The following IL1RAPL1 variants were observed in gnomAD, a reference collection of about 807,000 sequenced individuals.
The protein encoded by IL1RAPL1 is interleukin 1 receptor accessory protein like 1, also known as interleukin-1 receptor accessory protein-like 1.
Under a neutral mutation model 48.4 loss-of-function variants are expected in IL1RAPL1, and 3 were observed. That is an observed-to-expected ratio of 0.06 (90% CI 0.03 to 0.16). The LOEUF (loss-of-function observed/expected upper bound fraction) is 0.16. Ranked by LOEUF, IL1RAPL1 falls within the 10% of genes least tolerant of loss-of-function variation. IL1RAPL1 has a pLI of 1.00. For synonymous variants in IL1RAPL1, 185 were observed against 187.7 expected, an observed-to-expected ratio of 0.99 and a Z score of 0.12; for missense variants, 349 against 530.6, an observed-to-expected ratio of 0.66 and a Z score of 3.36.
chrX:29,511,044 T>C (rs991018770), intron 5 of IL1RAPL1, among the ~76,000 whole-genome samples: 2 of 111,757 alleles, frequency 1.8e-5, no homozygotes, highest in East Asian at 5.6e-4. Flanking sequence ...ATGGATATTA[T>C]GTTTGAAAAC....
intron 5 of IL1RAPL1, among the ~76,000 whole-genome samples, chrX:29,652,406 G>A (rs1025209530): frequency 1.8e-5 from 2 of 110,915 alleles, no homozygotes; most frequent in Admixed American, 9.7e-5. Flanking sequence ...GGAAGGATGG[G>A]TTAGGATTTA....
intron 1 of IL1RAPL1, among the ~76,000 whole-genome samples, chrX:28,767,840 T>C (rs147222762): frequency 9.0e-6 from 1 of 110,715 alleles, no homozygotes; most frequent in African/African-American, 3.3e-5. Context: ...TAAAATACAA[T>C]GCAAAAAAGT....
chrX:29,397,757 C>A (rs1185865874), intron 4 of IL1RAPL1, among the ~76,000 whole-genome samples: 1 of 111,293 alleles, frequency 9.0e-6, no homozygotes, highest in Non-Finnish European at 1.9e-5. Flanking sequence ...TCCAAATAAA[C>A]CCTTTTTTTT....
At chrX:28,998,012 A>G (rs191838666) in intron 2 of IL1RAPL1, among the ~76,000 whole-genome samples, 27 of 112,120 alleles carry the variant, frequency 2.4e-4, no homozygotes, top group Admixed American at 2.3e-3. Flanking sequence ...CTTTTCCCTC[A>G]GTGCAGCTGG....
intron 5 of IL1RAPL1, among the ~76,000 whole-genome samples, chrX:29,618,449 A>G (rs1225251348): frequency 8.9e-6 from 1 of 112,309 alleles, no homozygotes; most frequent in East Asian, 2.8e-4. Flanking sequence ...TCTGGAAGTC[A>G]GCAGTCCGAA....
At chrX:29,446,059 A>G (rs1479236590) in intron 5 of IL1RAPL1, among the ~76,000 whole-genome samples, 1 of 112,364 alleles carries the variant, frequency 8.9e-6, no homozygotes, top group African/African-American at 3.2e-5. Context: ...CTACCAGTTG[A>G]CTGAGTACAA....
At chrX:28,883,963 T>C (rs1922567829) in intron 2 of IL1RAPL1, among the ~76,000 whole-genome samples, 1 of 111,710 alleles carries the variant, frequency 9.0e-6, no homozygotes, top group Non-Finnish European at 1.9e-5. Context: ...TACACTTTTG[T>C]GCTAGTGATC....
intron 1 of IL1RAPL1, among the ~76,000 whole-genome samples, chrX:28,764,087 G>A (rs1601892675): frequency 9.0e-6 from 1 of 111,190 alleles, no homozygotes; most frequent in Non-Finnish European, 1.9e-5. Flanking sequence ...TCCTACCATA[G>A]GATATGTACA....
In IL1RAPL1 at chrX:29,111,092, C is replaced by T. The variant is rs1365277198; in HGVS notation, c.83-171846C>T. Reference sequence around the variant, plus strand: ...TCATATATATAAAAGAATATATATGCATATATGATACAAAGAATAATAAAA... The same window carrying T: ...TCATATATATAAAAGAATATATATGTATATATGATACAAAGAATAATAAAA... On this transcript the variant is annotated intron_variant, in intron 2 of 10. Coordinates refer to ENST00000378993, the MANE Select transcript of IL1RAPL1 (RefSeq NM_014271.4). 4.5e-5 allele frequency among the ~76,000 whole-genome samples: 5 copies of T among 110,890 alleles called. No individual in the cohort carries two copies. The Admixed American group carries it at 4.8e-4, about 11-fold the overall frequency.
chrX:29,543,934 T>C (rs1921525134), intron 5 of IL1RAPL1, among the ~76,000 whole-genome samples: 1 of 111,653 alleles, frequency 9.0e-6, no homozygotes, highest in Non-Finnish European at 1.9e-5. Flanking sequence ...ATGATTAACA[T>C]TGGGTTTCAA....
intron 2 of IL1RAPL1, among the ~76,000 whole-genome samples, chrX:29,174,051 G>T (rs1929959730): frequency 9.1e-6 from 1 of 110,136 alleles, no homozygotes. Context: ...CTCCCGAGTA[G>T]CTGGGATTAC....
chrX:29,237,969 GA>G (rs1319934366), intron 2 of IL1RAPL1, among the ~76,000 whole-genome samples: 1 of 112,584 alleles, frequency 8.9e-6, no homozygotes, highest in Non-Finnish European at 1.9e-5. Context: ...TGGCACAATA[GA>G]AATTTATGGG....
chrX:29,661,568 C>A (rs552142159), intron 5 of IL1RAPL1, among the ~76,000 whole-genome samples: 24 of 111,938 alleles, frequency 2.1e-4, no homozygotes, highest in African/African-American at 7.8e-4. Flanking sequence ...TCAGTCACTG[C>A]CTTACATTTT....
At chrX:29,335,238 C>T (rs191608157) in intron 3 of IL1RAPL1, among the ~76,000 whole-genome samples, 1 of 74,171 alleles carries the variant, frequency 1.3e-5, no homozygotes, top group African/African-American at 4.8e-5. Flanking sequence ...GGCTCGGCAT[C>T]AGAGGGAGAC....
At chrX:29,405,011 T>G (rs1219547038) in intron 5 of IL1RAPL1, among the ~76,000 whole-genome samples, 1 of 110,667 alleles carries the variant, frequency 9.0e-6, no homozygotes, top group African/African-American at 3.3e-5. Context: ...CTTCCTGGGT[T>G]CAAGTAATTC....
chrX:28,915,035 A>C (rs751447620), intron 2 of IL1RAPL1, among the ~76,000 whole-genome samples: 2 of 111,737 alleles, frequency 1.8e-5, no homozygotes, highest in South Asian at 7.4e-4. Context: ...GATGGGGGGC[A>C]GGGGCAATGG....
chrX:29,417,128 G>A (rs933655070), intron 5 of IL1RAPL1, among the ~76,000 whole-genome samples: 2 of 111,168 alleles, frequency 1.8e-5, no homozygotes, highest in African/African-American at 6.5e-5. Context: ...TATATCCCAG[G>A]GTTAGTTTTC....
At chrX:29,448,905 GAGA>G (rs1261549224) in intron 5 of IL1RAPL1, among the ~76,000 whole-genome samples, 10 of 111,156 alleles carry the variant, frequency 9.0e-5, no homozygotes, top group Non-Finnish European at 1.3e-4. Flanking sequence ...TCACATGGCG[GAGA>G]AGGAGGACTC....
At chrX:29,191,797 T>G (rs1008875966) in intron 2 of IL1RAPL1, among the ~76,000 whole-genome samples, 2 of 111,739 alleles carry the variant, frequency 1.8e-5, no homozygotes, top group African/African-American at 6.5e-5. Context: ...CCATTTCAGC[T>G]TACTACAGTC....
Sources: gnomAD v4.1 joint callset for allele counts (sites outside exome capture counted in the v4.1 genomes callset) on GRCh38, gnomAD v4.1.1 for gene constraint, MANE v1.5 for transcripts, NCBI Gene and HGNC (gene_info 2026-07-23, HGNC 2026-07-21) for gene names.